SGPP2: variants seen among roughly 807,000 people sequenced by gnomAD.
SGPP2 encodes the protein sphingosine-1-phosphate phosphatase 2, also known as sphingosine 1-phosphate phosphohydrolase 2.
Under a neutral mutation model 33.9 loss-of-function variants are expected in SGPP2, and 30 were observed. The ratio of observed to expected loss-of-function variants is 0.89; its 90% CI spans 0.66 to 1.20. The LOEUF (loss-of-function observed/expected upper bound fraction) is 1.20. Among genes scored for constraint, SGPP2 ranks in the 50% most tolerant of loss-of-function variants. The pLI is 0.00. For synonymous variants in SGPP2, 233 were observed against 225.0 expected (o/e 1.04, Z -0.32); for missense variants, 458 against 532.1 (o/e 0.86, Z 1.37).
At chr2:222,443,624 G>A (rs1467757864) in intron 1 of SGPP2, among the ~76,000 whole-genome samples, 1 of 152,142 alleles carries the variant, frequency 6.6e-6, no homozygotes, top group East Asian at 1.9e-4. Context: ...GGTCTGTGTT[G>A]TGCCAAGAGT....
At chr2:222,438,166 G>C (rs1330610740) in intron 1 of SGPP2, among the ~76,000 whole-genome samples, 3 of 152,126 alleles carry the variant, frequency 2.0e-5, no homozygotes, top group Non-Finnish European at 4.4e-5. Flanking sequence ...GTTGTAGAAG[G>C]GGCCAAATGC....
chr2:222,520,024 T>C (rs1188461927), intron 2 of SGPP2, among the ~76,000 whole-genome samples: 1 of 152,220 alleles, frequency 6.6e-6, no homozygotes, highest in African/African-American at 2.4e-5. Flanking sequence ...CCTTTGGGTA[T>C]ATACTCAGTA....
intron 1 of SGPP2, among the ~76,000 whole-genome samples, chr2:222,449,470 ATTTT>A (rs11390234): frequency 7.1e-6 from 1 of 141,192 alleles, no homozygotes. Context: ...AGGTCAGCCA[ATTTT>A]TTTTTTTTTT....
intron 1 of SGPP2, among the ~76,000 whole-genome samples, chr2:222,454,519 A>G (rs1050117560): frequency 1.3e-5 from 2 of 152,214 alleles, no homozygotes; most frequent in African/African-American, 2.4e-5. Flanking sequence ...TTTCAGACCT[A>G]TGGGTCAAAG....
chr2:222,467,835 G>A (rs1697769281), intron 1 of SGPP2, among the ~76,000 whole-genome samples: 1 of 151,240 alleles, frequency 6.6e-6, no homozygotes, highest in Non-Finnish European at 1.5e-5. Flanking sequence ...TAAACTGGAT[G>A]GCTTAGAGTT....
intron 4 of SGPP2, among the ~76,000 whole-genome samples, chr2:222,556,395 G>A (rs1329573813): frequency 4.0e-5 from 6 of 151,642 alleles, no homozygotes; most frequent in Admixed American, 6.6e-5. Context: ...AGGTGCAGGC[G>A]GTCAGGACAC....
At chr2:222,480,313 C>G (rs10804307) in intron 2 of SGPP2, among the ~76,000 whole-genome samples, 50,675 of 152,084 alleles carry the variant, frequency 0.33, 9,261 homozygotes, top group African/African-American at 0.49. Context: ...GCAACTCATC[C>G]TGGGAGTTTG....
At chr2:222,435,127 C>T (rs1053694267) in intron 1 of SGPP2, among the ~76,000 whole-genome samples, 1 of 150,670 alleles carries the variant, frequency 6.6e-6, no homozygotes, top group Admixed American at 6.6e-5. Flanking sequence ...CACACAATCA[C>T]GAGGTCCCAC....
chr2:222,551,535 A>T, intron 4 of SGPP2, among the ~76,000 whole-genome samples: 1 of 152,336 alleles, frequency 6.6e-6, no homozygotes, highest in Middle Eastern at 3.4e-3. Flanking sequence ...TAATTTTATT[A>T]TAAGAAATTT....
intron 4 of SGPP2, among the ~76,000 whole-genome samples, chr2:222,532,951 C>A (rs1698860452): frequency 6.6e-6 from 1 of 152,160 alleles, no homozygotes. Flanking sequence ...GCTCACCATT[C>A]AAGGTAAAAC....
chr2:222,458,559 G>T (rs1482863554), intron 1 of SGPP2, among the ~76,000 whole-genome samples: 1 of 152,194 alleles, frequency 6.6e-6, no homozygotes, highest in Admixed American at 6.5e-5. Context: ...TGGCTCTACA[G>T]GTGGTCTCTT....
intron 2 of SGPP2, among the ~76,000 whole-genome samples, chr2:222,514,359 A>G: frequency 6.6e-6 from 1 of 152,290 alleles, no homozygotes; most frequent in Non-Finnish European, 1.5e-5. Context: ...TTTTTAAAAA[A>G]TGTTTAATTT....
chr2:222,424,649 G>T lies in SGPP2; in HGVS notation c.47G>T (p.Arg16Leu), dbSNP rs1055348981. 5.6e-6 allele frequency: 8 copies of T among 1,428,628 alleles called. No homozygotes were observed. Among genetic ancestry groups the T allele is most frequent in the Non-Finnish European group, 6.4e-6 (7 of 1,089,082 alleles). The allele number at this position is 1,428,628 out of a possible 1,614,324, so 88.5% of individuals were successfully genotyped here. ...CTGCAGGATTCCCAGCTCGTCGCCC[G>T]CTTCCAGCGCCGCTGCGGGCTCTTC... ...RSLQDSQLVA[R>L]FQRRCGLFPA... Residue 16 changes from arginine (R) to leucine (L), a missense_variant, in exon 1 of 5, where the codon CGC becomes CTC. By Grantham distance (102) the Arg-to-Leu change is moderately radical. Transcript: ENST00000321276.
intron 4 of SGPP2, among the ~76,000 whole-genome samples, chr2:222,540,637 A>G (rs902308568): frequency 6.6e-6 from 1 of 152,114 alleles, no homozygotes. Context: ...TGCAATGGAT[A>G]TTATCTGTCA....
intron 3 of SGPP2, among the ~76,000 whole-genome samples, chr2:222,522,903 G>C (rs535272292): frequency 5.9e-5 from 9 of 152,290 alleles, no homozygotes; most frequent in African/African-American, 2.2e-4. Context: ...GGCTGGTCTT[G>C]AACTCCTGGC....
At chr2:222,455,297 A>G (rs1697555910) in intron 1 of SGPP2, among the ~76,000 whole-genome samples, 1 of 152,112 alleles carries the variant, frequency 6.6e-6, no homozygotes, top group Admixed American at 6.6e-5. Context: ...ATGTGGAGCC[A>G]GGGAGGTGAG....
At chr2:222,479,399 C>CTTTTTTTTTTT (rs568165167) in intron 2 of SGPP2, among the ~76,000 whole-genome samples, 1 of 114,896 alleles carries the variant, frequency 8.7e-6, no homozygotes, top group Non-Finnish European at 1.7e-5. Context: ...ATCTACCCTT[C>CTTTTTTTTTTT]TTTTTTTTTT....
chr2:222,471,913 A>T (rs964479646), intron 1 of SGPP2, among the ~76,000 whole-genome samples: 2 of 152,186 alleles, frequency 1.3e-5, no homozygotes, highest in African/African-American at 4.8e-5. Context: ...AGTTGTTAAG[A>T]TCCCATAATA....
intron 4 of SGPP2, among the ~76,000 whole-genome samples, chr2:222,527,173 G>A (rs1179913270): frequency 6.6e-6 from 1 of 152,044 alleles, no homozygotes; most frequent in Non-Finnish European, 1.5e-5. Context: ...AGATAGATTA[G>A]GCCTGTCATC....
Sources: gnomAD v4.1 joint callset for allele counts (sites outside exome capture counted in the v4.1 genomes callset) on GRCh38, gnomAD v4.1.1 for gene constraint, MANE v1.5 for transcripts, NCBI Gene and HGNC (gene_info 2026-07-23, HGNC 2026-07-21) for gene names.